Variants in DNAJC1 observed in about 807,000 individuals in gnomAD.
The protein encoded by DNAJC1 is DnaJ heat shock protein family (Hsp40) member C1.
Under a neutral mutation model 76.6 loss-of-function variants are expected in DNAJC1, and 58 were observed. That is an observed-to-expected ratio of 0.76 (90% confidence interval 0.61 to 0.94). The LOEUF (loss-of-function observed/expected upper bound fraction) is 0.94, where lower values mean the gene tolerates loss of function less well. Ranked by LOEUF, DNAJC1 falls within the 40% of genes least tolerant of loss-of-function variation. DNAJC1 has a pLI of 0.00. For synonymous variants in DNAJC1, 258 were observed against 267.9 expected (o/e 0.96, Z 0.36); for missense variants, 689 against 677.3 (o/e 1.02, Z -0.19).
chr10:21,806,224 T>TA (rs1434155682), intron 8 of DNAJC1, 125 bp from the exon 9 acceptor site: 2 of 1,015,498 alleles, frequency 2.0e-6, no homozygotes, highest in South Asian at 3.5e-5. Flanking sequence ...ATGCTTTCTG[T>TA]AAAAAACAAT....
At chr10:21,957,373 ATTTGT>A (rs1309575227) in intron 1 of DNAJC1, among the ~76,000 whole-genome samples, 5 of 151,964 alleles carry the variant, frequency 3.3e-5, no homozygotes, top group Non-Finnish European at 5.9e-5. Context: ...CTATTATCCT[ATTTGT>A]TTTTACTGCT....
intron 1 of DNAJC1, among the ~76,000 whole-genome samples, chr10:21,997,371 T>C (rs1201783169): frequency 2.0e-5 from 3 of 152,170 alleles, no homozygotes; most frequent in African/African-American, 7.2e-5. Flanking sequence ...TGCTAGCAAT[T>C]TGTGCCCTCT....
chr10:21,898,185 T>G (rs1218128164), intron 7 of DNAJC1, among the ~76,000 whole-genome samples: 1 of 152,160 alleles, frequency 6.6e-6, no homozygotes, highest in Non-Finnish European at 1.5e-5. Context: ...TGCTAACAAC[T>G]ACAAAAGACT....
At chr10:21,879,800 G>A (rs901140523) in intron 8 of DNAJC1, among the ~76,000 whole-genome samples, 10 of 152,164 alleles carry the variant, frequency 6.6e-5, no homozygotes, top group African/African-American at 2.4e-4. Flanking sequence ...TCTTTCTATT[G>A]GTAGAGGGTC....
intron 7 of DNAJC1, among the ~76,000 whole-genome samples, chr10:21,890,031 C>T (rs986466790): frequency 4.6e-5 from 7 of 152,124 alleles, no homozygotes; most frequent in African/African-American, 1.2e-4. Context: ...CTAATAAAGT[C>T]AGTGGAGACT....
intron 8 of DNAJC1, among the ~76,000 whole-genome samples, chr10:21,835,556 G>C (rs553432178): frequency 3.9e-5 from 6 of 152,082 alleles, no homozygotes; most frequent in Non-Finnish European, 7.3e-5. Context: ...TCGAACCAAC[G>C]GCAAAGAAGT....
chr10:21,908,129 AATATATAAAAATATATAAT>A (rs1836783540), intron 6 of DNAJC1, among the ~76,000 whole-genome samples: 1 of 109,886 alleles, frequency 9.1e-6, no homozygotes, highest in African/African-American at 3.7e-5. Context: ...TATAATATAT[AATATATAAAAATATATAAT>A]ATATAATATA....
At chr10:21,840,688 T>C (rs1835561034) in intron 8 of DNAJC1, among the ~76,000 whole-genome samples, 1 of 152,188 alleles carries the variant, frequency 6.6e-6, no homozygotes, top group African/African-American at 2.4e-5. Flanking sequence ...CAAGGTAATT[T>C]ATAGATTCAG....
At chr10:21,890,744 C>A (rs771018351) in intron 7 of DNAJC1, among the ~76,000 whole-genome samples, 2 of 152,122 alleles carry the variant, frequency 1.3e-5, no homozygotes, top group East Asian at 1.9e-4. Context: ...CCAGAGAAGA[C>A]CAGCTAAAAC....
At position 21,911,093 on chromosome 10, in the gene DNAJC1, A is replaced by C. The variant is rs1446580259; in HGVS notation, c.730-6481T>G. Among the ~76,000 whole-genome samples the C allele has an allele frequency of 4.8e-5, 7 of 146,944 alleles. No individual in the cohort carries two copies. The East Asian group carries it at 8.2e-4, about 17-fold the overall frequency. ...GAAGGAAGGAAGGAAGGAAGGCGGG[A>C]AGGCGGGAAGGCGGGCAGGCGGGGC... On this transcript the variant is annotated intron_variant, in intron 6 of 11. Coordinates refer to ENST00000376980, the MANE Select transcript of DNAJC1 (RefSeq NM_022365.4).
At chr10:21,802,454 T>A (rs147840350) in intron 9 of DNAJC1, among the ~76,000 whole-genome samples, 1 of 152,254 alleles carries the variant, frequency 6.6e-6, no homozygotes, top group African/African-American at 2.4e-5. Context: ...TTTCCCCCAA[T>A]AGGAATCTCC....
intron 8 of DNAJC1, among the ~76,000 whole-genome samples, chr10:21,859,304 C>T (rs1483363428): frequency 6.6e-6 from 1 of 152,084 alleles, no homozygotes; most frequent in Non-Finnish European, 1.5e-5. Flanking sequence ...GTGGCTATTG[C>T]ATATGACTAA....
rs118119860 is a variant in DNAJC1, at chr10:21,905,554, T to C, written c.730-942A>G. Among the ~76,000 whole-genome samples the C allele has an allele frequency of 9.9e-4, 150 of 152,258 alleles. 3 individuals are homozygous for C. The East Asian group carries it at 0.028, about 28-fold the overall frequency. On this transcript the variant is annotated intron_variant, in intron 6 of 11. Transcript: ENST00000376980. ...AAAACCCATTCAAGCCCCATCTCCTTTGCAAGTTTTTCTGACCTTCTCTGG... is the reference window on the plus strand; with the variant it reads ...AAAACCCATTCAAGCCCCATCTCCTCTGCAAGTTTTTCTGACCTTCTCTGG...
At chr10:21,955,771 A>G (rs1441038067) in intron 1 of DNAJC1, among the ~76,000 whole-genome samples, 1 of 152,178 alleles carries the variant, frequency 6.6e-6, no homozygotes, top group Non-Finnish European at 1.5e-5. Flanking sequence ...TGACATTAGC[A>G]TCTCCATATG....
chr10:21,775,331 CTTTTTTTTT>C (rs34444920), intron 9 of DNAJC1, among the ~76,000 whole-genome samples: 1 of 49,668 alleles, frequency 2.0e-5, no homozygotes, highest in Non-Finnish European at 3.8e-5. Flanking sequence ...CTGCAAATGG[CTTTTTTTTT>C]TTTTTTTTTT....
At chr10:21,860,884 T>G (rs1212105443) in intron 8 of DNAJC1, 1 of 152,250 alleles carries the variant, frequency 6.6e-6, no homozygotes, top group Non-Finnish European at 1.5e-5. Flanking sequence ...GTCTAATGTG[T>G]GCACATTTCT....
intron 1 of DNAJC1, among the ~76,000 whole-genome samples, chr10:22,001,215 T>C (rs1180981374): frequency 1.3e-5 from 2 of 152,200 alleles, no homozygotes; most frequent in African/African-American, 4.8e-5. Flanking sequence ...GCCTACCTAC[T>C]TTGTTCTGGT....
At chr10:21,879,670 T>A (rs1014360511) in intron 8 of DNAJC1, among the ~76,000 whole-genome samples, 1 of 152,198 alleles carries the variant, frequency 6.6e-6, no homozygotes, top group African/African-American at 2.4e-5. Context: ...TAAGTTTACA[T>A]TGTAGCTTAG....
intron 1 of DNAJC1, among the ~76,000 whole-genome samples, chr10:21,960,291 T>G (rs1837766531): frequency 6.6e-6 from 1 of 151,730 alleles, no homozygotes; most frequent in Admixed American, 6.6e-5. Flanking sequence ...ACTAAGAAAA[T>G]AACAGGAAAG....
Sources: gnomAD v4.1 joint callset for allele counts (sites outside exome capture counted in the v4.1 genomes callset) on GRCh38, gnomAD v4.1.1 for gene constraint, MANE v1.5 for transcripts, NCBI Gene and HGNC (gene_info 2026-07-23, HGNC 2026-07-21) for gene names.